The following FLVCR1 variants were observed in gnomAD, a reference collection of about 807,000 sequenced individuals.
FLVCR1 encodes the protein choline/ethanolamine transporter FLVCR1.
A neutral mutation model predicts 53.6 loss-of-function variants in FLVCR1; 34 were observed. The ratio of observed to expected loss-of-function variants is 0.63; its 90% CI spans 0.48 to 0.84. The LOEUF is 0.84. FLVCR1 is among the 40% of genes least tolerant of loss of function. FLVCR1 has a pLI of 0.00. For synonymous variants in FLVCR1, 300 were observed against 286.3 expected, an observed-to-expected ratio of 1.05 and a Z score of -0.48; for missense variants, 677 against 696.7, an observed-to-expected ratio of 0.97 and a Z score of 0.32.
intron 1 of FLVCR1, 25 bp from the exon 2 acceptor site, chr1:212,863,700 G>T: frequency 6.2e-7 from 1 of 1,612,392 alleles, no homozygotes; most frequent in Non-Finnish European, 8.5e-7. Flanking sequence ...GATAATAGCT[G>T]TTAACAGGAC....
intron 3 of FLVCR1, among the ~76,000 whole-genome samples, 169 bp downstream of exon 3, chr1:212,872,987 A>G (rs1294963887): frequency 1.3e-5 from 2 of 152,174 alleles, no homozygotes; most frequent in Non-Finnish European, 2.9e-5. Flanking sequence ...ATCTTCTTAC[A>G]TATTTTTAAA....
chr1:212,867,783 T>A (rs1664478903), intron 2 of FLVCR1, among the ~76,000 whole-genome samples: 1 of 150,506 alleles, frequency 6.6e-6, no homozygotes. Context: ...CACATAAGCA[T>A]ATAATGTGTG....
intron 3 of FLVCR1, among the ~76,000 whole-genome samples, chr1:212,881,552 T>G (rs1309020506): frequency 1.3e-5 from 2 of 152,092 alleles, no homozygotes; most frequent in Non-Finnish European, 2.9e-5. Flanking sequence ...TTGGCCAGAC[T>G]GGTCACGAAC....
At chr1:212,889,035 T>C in intron 7 of FLVCR1, 111 bp from the exon 8 acceptor site, 1 of 850,494 alleles carries the variant, frequency 1.2e-6, no homozygotes. Flanking sequence ...TCAATGAATG[T>C]TTCTAGAAAC....
intron 2 of FLVCR1, among the ~76,000 whole-genome samples, chr1:212,866,812 T>C (rs1457274425): frequency 6.6e-6 from 1 of 152,220 alleles, no homozygotes; most frequent in Non-Finnish European, 1.5e-5. Context: ...TTGTCAACTT[T>C]TGCTTGGAGG....
In FLVCR1 at chr1:212,858,395, G is replaced by C; in HGVS notation, c.-58G>C. On this transcript the variant is annotated 5_prime_UTR_variant, in exon 1 of 10. Coordinates refer to ENST00000366971, the MANE Select transcript of FLVCR1 (RefSeq NM_014053.4). The stretch of plus-strand genomic sequence containing the variant: ...CAGGAGGACCTCGGGCTGTGGGCCG[G>C]GAGAGCGGAGTCGGGGAGTGGGGCG... 2 of 1,399,762 alleles carry C rather than the reference G, an allele frequency of 1.4e-6. No homozygotes were observed. Among genetic ancestry groups the C allele is most frequent in the Non-Finnish European group, 1.9e-6 (2 of 1,070,866 alleles). The allele number at this position is 1,399,762 out of a possible 1,614,324, so 86.7% of individuals were successfully genotyped here.
Position 212,865,485 on chromosome 1 carries a change from AT to A in FLVCR1, c.883+1631del, listed in dbSNP as rs58544929. On this transcript the variant is annotated intron_variant, in intron 2 of 9. Transcript: ENST00000366971. ...AATGGACCTTCCATTTGCAATAGGG[AT>A]TTTTTTTTTTTTTTGAGACAGAGTC... is the stretch of plus-strand genomic sequence containing the variant. Among the ~76,000 whole-genome samples the A allele has an allele frequency of 2.3e-3, 314 of 133,680 alleles. 11 individuals carry two copies. Among genetic ancestry groups the A allele is most frequent in the African/African-American group, 8.2e-3 (273 of 33,474 alleles). 87.7% of individuals were successfully genotyped at this position (133,680 alleles called of 152,430 possible). A position where few individuals can be genotyped will look rare whatever the true frequency, so the allele number is the denominator to read the frequency against.
chr1:212,873,663 T>G (rs2102552561), intron 3 of FLVCR1, among the ~76,000 whole-genome samples: 1 of 152,368 alleles, frequency 6.6e-6, no homozygotes, highest in Middle Eastern at 3.4e-3. Flanking sequence ...TTCTGACGGT[T>G]CATTCTTTGT....
chr1:212,886,652 T>C (rs948914022), intron 5 of FLVCR1, among the ~76,000 whole-genome samples: 2 of 151,622 alleles, frequency 1.3e-5, no homozygotes, highest in Non-Finnish European at 2.9e-5. Flanking sequence ...ATACAAAAAA[T>C]AGTCAAGTGT....
At chr1:212,876,751 G>A (rs1192535331) in intron 3 of FLVCR1, among the ~76,000 whole-genome samples, 1 of 152,170 alleles carries the variant, frequency 6.6e-6, no homozygotes, top group African/African-American at 2.4e-5. Context: ...ATGGGCATTT[G>A]GGTTGATTCC....
intron 8 of FLVCR1, among the ~76,000 whole-genome samples, chr1:212,894,463 T>G (rs1665282438): frequency 6.6e-6 from 1 of 152,208 alleles, no homozygotes; most frequent in South Asian, 2.1e-4. Flanking sequence ...ATATTCACTC[T>G]TTTGTGGTGA....
chr1:212,889,971 G>A (rs1232737216), intron 8 of FLVCR1, among the ~76,000 whole-genome samples: 3 of 151,652 alleles, frequency 2.0e-5, no homozygotes, highest in Admixed American at 1.3e-4. Flanking sequence ...CTAGTGTCTG[G>A]CACCTGGGAC....
Position 212,897,890 on chromosome 1 carries a change from C to T in FLVCR1, c.*2600C>T, listed in dbSNP as rs1345190479. ...AATGTGAGATTGGAGGGACAAGTAT[C>T]CCAACTATATCAGGCAGAATATATG... On this transcript the variant is annotated 3_prime_UTR_variant, in exon 10 of 10. Coordinates refer to ENST00000366971, the MANE Select transcript of FLVCR1 (RefSeq NM_014053.4). 6.6e-6 allele frequency: 1 copy of T among 152,170 alleles called. No individual in the cohort carries two copies. Among genetic ancestry groups the T allele is most frequent in the African/African-American group, 2.4e-5 (1 of 41,434 alleles). 9.4% of individuals were successfully genotyped at this position (152,170 alleles called of 1,614,324 possible).
intron 6 of FLVCR1, 54 bp downstream of exon 6, chr1:212,888,055 G>A: frequency 9.7e-7 from 1 of 1,035,856 alleles, no homozygotes; most frequent in Non-Finnish European, 1.5e-6. Context: ...TAATTCTGAA[G>A]TATTATTACT....
chr1:212,859,210 G>A lies in FLVCR1; in HGVS notation c.738+20G>A, dbSNP rs1167656901. ...AATCAGGTAAGTACTGGAGTGGTAG[G>A]TGAAAGTCAGATCCTTAAAAGACCG... On this transcript the variant is annotated intron_variant, in intron 1 of 9. Coordinates refer to ENST00000366971, the MANE Select transcript of FLVCR1 (RefSeq NM_014053.4). 6.2e-7 allele frequency: 1 copy of A among 1,613,994 alleles called. No individual in the cohort carries two copies. The highest frequency in any genetic ancestry group is 1.7e-5 in the Admixed American group (1 of 60,032).
chr1:212,858,523 C>T lies in FLVCR1; in HGVS notation c.71C>T (p.Pro24Leu), dbSNP rs562153726. The change falls in exon 1 of 10, where the codon CCG (proline) becomes CTG (leucine). Residue 24 changes from proline (P) to leucine (L), a missense_variant. By Grantham distance (98) the Pro-to-Leu change is moderately conservative. Coordinates refer to ENST00000366971, the MANE Select transcript of FLVCR1 (RefSeq NM_014053.4). ...PGHPLAKGYLPLPRGAPVGKE... is the reference protein window; with the variant it reads ...PGHPLAKGYLLLPRGAPVGKE... The stretch of plus-strand genomic sequence containing the variant: ...CACCCGCTCGCGAAAGGATACCTCC[C>T]GTTGCCGAGGGGCGCGCCCGTTGGG... The T allele has an allele frequency of 1.0e-4, 153 of 1,459,654 alleles. No homozygotes were observed. The highest frequency in any genetic ancestry group is 1.3e-4 in the Non-Finnish European group (149 of 1,108,312). The allele number at this position is 1,459,654 out of a possible 1,614,324, so 90.4% of individuals were successfully genotyped here.
chr1:212,886,076 C>G (rs1255624455), intron 5 of FLVCR1, among the ~76,000 whole-genome samples: 1 of 138,736 alleles, frequency 7.2e-6, no homozygotes, highest in Non-Finnish European at 1.5e-5. Context: ...GGGTCTCACT[C>G]TGTCACCCAG....
intron 4 of FLVCR1, among the ~76,000 whole-genome samples, chr1:212,884,417 A>G (rs1665006867): frequency 6.6e-6 from 1 of 152,144 alleles, no homozygotes; most frequent in African/African-American, 2.4e-5. Flanking sequence ...AACAAAACAA[A>G]ATACACACAC....
At chr1:212,871,645 A>G (rs1227888424) in intron 2 of FLVCR1, among the ~76,000 whole-genome samples, 2 of 152,236 alleles carry the variant, frequency 1.3e-5, no homozygotes, top group Non-Finnish European at 1.5e-5. Context: ...TGACCTCCCA[A>G]AGTGCTGAGA....
Sources: gnomAD v4.1 joint callset for allele counts (sites outside exome capture counted in the v4.1 genomes callset) on GRCh38, gnomAD v4.1.1 for gene constraint, MANE v1.5 for transcripts, NCBI Gene and HGNC (gene_info 2026-07-23, HGNC 2026-07-21) for gene names.